The following SLC24A2 variants were observed in gnomAD, a reference collection of about 807,000 sequenced individuals.
The protein encoded by SLC24A2 is sodium/potassium/calcium exchanger 2.
SLC24A2 carries 36 observed loss-of-function variants against 62.0 expected under a neutral mutation model. That is an observed-to-expected ratio of 0.58 (90% CI 0.44 to 0.77). The LOEUF (loss-of-function observed/expected upper bound fraction) is 0.77, where lower values mean the gene tolerates loss of function less well. SLC24A2 is among the 30% of genes least tolerant of loss of function. SLC24A2 has a pLI of 0.00. For missense variants in SLC24A2, 846 were observed against 817.9 expected (o/e 1.03, Z -0.42); for synonymous variants, 358 against 294.0 (o/e 1.22, Z -2.23).
At chr9:19,912,391 C>G in the SLC24A2 span, among the ~76,000 whole-genome samples, 2 of 152,036 alleles carry the variant, frequency 1.3e-5, no homozygotes, top group Non-Finnish European at 2.9e-5. Flanking sequence ...TGTTCCTATC[C>G]CATTGGCAGG....
At chr9:20,115,327 G>A in the SLC24A2 span, among the ~76,000 whole-genome samples, 23 of 152,120 alleles carry the variant, frequency 1.5e-4, no homozygotes, top group African/African-American at 3.1e-4. Flanking sequence ...TGGAGATTTC[G>A]GGCAGGAGAT....
chr9:20,219,067 G>T, the SLC24A2 span, among the ~76,000 whole-genome samples: 227 of 152,326 alleles, frequency 1.5e-3, 2 homozygotes, highest in African/African-American at 5.1e-3. Flanking sequence ...GTATGTGAGG[G>T]TGAGAGAAAT....
At chr9:19,616,000 A>G (rs1036333722) in intron 4 of SLC24A2, among the ~76,000 whole-genome samples, 3 of 93,238 alleles carry the variant, frequency 3.2e-5, no homozygotes, top group South Asian at 3.8e-4. Flanking sequence ...GCGTGCACAC[A>G]CACACACACA....
intron 2 of SLC24A2, among the ~76,000 whole-genome samples, chr9:19,743,834 A>C (rs189165143): frequency 7.4e-4 from 112 of 152,288 alleles, no homozygotes; most frequent in Admixed American, 2.0e-3. Context: ...AGAAGGATGG[A>C]TCAACAGTAT....
At chr9:20,074,210 T>C in the SLC24A2 span, among the ~76,000 whole-genome samples, 1 of 152,014 alleles carries the variant, frequency 6.6e-6, no homozygotes, top group African/African-American at 2.4e-5. Flanking sequence ...ATGCCAATAA[T>C]TTCCAGCAGG....
At chr9:19,895,902 G>T in the SLC24A2 span, 1 of 1,613,340 alleles carries the variant, frequency 6.2e-7, no homozygotes, top group Non-Finnish European at 8.5e-7. Context: ...GCCGGGCAGG[G>T]TCAAATTCTA....
At chr9:19,740,755 A>G (rs2118763976) in intron 2 of SLC24A2, among the ~76,000 whole-genome samples, 1 of 152,284 alleles carries the variant, frequency 6.6e-6, no homozygotes, top group Middle Eastern at 3.4e-3. Flanking sequence ...GGCTAAAGAA[A>G]ACATGGAGTG....
chr9:19,814,101 G>T, the SLC24A2 span, among the ~76,000 whole-genome samples: 2 of 152,080 alleles, frequency 1.3e-5, no homozygotes, highest in African/African-American at 4.8e-5. Flanking sequence ...CTTTTCTAAT[G>T]GTTCTTATTG....
the SLC24A2 span, among the ~76,000 whole-genome samples, chr9:20,274,072 T>G: frequency 3.5e-4 from 53 of 152,324 alleles, no homozygotes; most frequent in African/African-American, 1.2e-3. Context: ...ACCAGATGTG[T>G]GCTAGACACT....
At chr9:20,233,526 T>G in the SLC24A2 span, among the ~76,000 whole-genome samples, 7,316 of 152,274 alleles carry the variant, frequency 0.048, 526 homozygotes, top group African/African-American at 0.16. Flanking sequence ...AAAGTCTGTT[T>G]TATCAGAGAC....
intron 2 of SLC24A2, among the ~76,000 whole-genome samples, chr9:19,714,950 G>A (rs1031356681): frequency 6.6e-6 from 1 of 152,068 alleles, no homozygotes; most frequent in African/African-American, 2.4e-5. Flanking sequence ...ATGGAGAGAT[G>A]TAAGTCAAAT....
chr9:19,560,571 C>T (rs116042837), intron 7 of SLC24A2, among the ~76,000 whole-genome samples: 2,125 of 152,284 alleles, frequency 0.014, 57 homozygotes, highest in African/African-American at 0.049. Flanking sequence ...GAAGCCCTTA[C>T]CAGAGACTGA....
Position 19,755,858 on chromosome 9 carries a change from C to T in SLC24A2, c.930+30079G>A, listed in dbSNP as rs536342746. 2.4e-4 allele frequency among the ~76,000 whole-genome samples: 37 copies of T among 152,320 alleles called. 1 individual carries two copies. Among genetic ancestry groups the T allele is most frequent in the African/African-American group, 7.9e-4 (33 of 41,564 alleles). ...AATTTTACTCACCTACAGTCAGATA[C>T]GGCACTGATTTTACCTTTCCATTTG... On this transcript the variant is annotated intron_variant, in intron 2 of 10. Coordinates refer to ENST00000341998, the MANE Select transcript of SLC24A2 (RefSeq NM_020344.4).
intron 5 of SLC24A2, among the ~76,000 whole-genome samples, chr9:19,594,194 G>C (rs1836639580): frequency 6.6e-6 from 1 of 151,866 alleles, no homozygotes. Flanking sequence ...CTGAACACCT[G>C]TGGTACTTAC....
At chr9:20,110,759 A>G in the SLC24A2 span, among the ~76,000 whole-genome samples, 75 of 152,316 alleles carry the variant, frequency 4.9e-4, no homozygotes, top group Admixed American at 8.5e-4. Context: ...TTTGCATCCA[A>G]TCATTTGAAA....
At chr9:20,290,771 G>T in the SLC24A2 span, among the ~76,000 whole-genome samples, 1 of 152,214 alleles carries the variant, frequency 6.6e-6, no homozygotes, top group Non-Finnish European at 1.5e-5. Flanking sequence ...GCATACTTTG[G>T]GGTTGTGGAG....
At chr9:19,957,432 CCTT>C in the SLC24A2 span, 2 of 152,202 alleles carry the variant, frequency 1.3e-5, no homozygotes, top group Non-Finnish European at 2.9e-5. Context: ...TCGTTTCTGT[CCTT>C]CTATCTCTGG....
chr9:19,516,060 T>A lies in SLC24A2; in HGVS notation c.*93A>T. 2.7e-6 allele frequency: 4 copies of A among 1,507,260 alleles called. No homozygotes were observed. The highest frequency in any genetic ancestry group is 1.4e-5 in the African/African-American group (1 of 72,726). The allele number at this position is 1,507,260 out of a possible 1,614,324, so 93.4% of individuals were successfully genotyped here. On this transcript the variant is annotated 3_prime_UTR_variant, in exon 11 of 11. Transcript: ENST00000341998. ...GGGACACTTGGCACCCAGGGCTGTG[T>A]GCCAGCTGCCTCTTCTCAAGAGGTC...
At chr9:19,851,533 G>A in the SLC24A2 span, among the ~76,000 whole-genome samples, 1 of 151,980 alleles carries the variant, frequency 6.6e-6, no homozygotes, top group South Asian at 2.1e-4. Flanking sequence ...CTGTGTCCCT[G>A]TGTTCTCATT....
Sources: gnomAD v4.1 joint callset for allele counts (sites outside exome capture counted in the v4.1 genomes callset) on GRCh38, gnomAD v4.1.1 for gene constraint, MANE v1.5 for transcripts, NCBI Gene and HGNC (gene_info 2026-07-23, HGNC 2026-07-21) for gene names.